The following FADS6 variants were observed in gnomAD, a reference collection of about 807,000 sequenced individuals.
FADS6 encodes the protein fatty acid desaturase domain family, member 6.
A neutral mutation model predicts 31.7 loss-of-function variants in FADS6; 28 were observed. The observed-to-expected ratio is 0.88, with a 90% confidence interval of 0.66 to 1.21. The LOEUF is 1.21. Among genes scored for constraint, FADS6 ranks in the 50% most tolerant of loss-of-function variants. The pLI is 0.00. For synonymous variants in FADS6, 191 were observed against 213.1 expected, an observed-to-expected ratio of 0.90 and a Z score of 0.90; for missense variants, 494 against 504.2, an observed-to-expected ratio of 0.98 and a Z score of 0.19.
intron 2 of FADS6, among the ~76,000 whole-genome samples, chr17:74,890,688 T>A (rs1390058315): frequency 1.3e-5 from 2 of 152,104 alleles, no homozygotes; most frequent in African/African-American, 2.4e-5. Flanking sequence ...ATGAAGCCAC[T>A]GGGCTTACGG....
At position 74,878,254 on chromosome 17, in the gene FADS6, AC is replaced by A. The variant is rs1598551572; in HGVS notation, c.*76del. On this transcript the variant is annotated 3_prime_UTR_variant, in exon 6 of 6. Coordinates refer to ENST00000612771, the MANE Select transcript of FADS6 (RefSeq NM_178128.6). The stretch of plus-strand genomic sequence containing the variant: ...GGTCCACCACCAGCCACTGAGCCAC[AC>A]CCCCTGGACCAGCAGCAGCAGGAGG... 2 of 1,502,922 alleles carry A rather than the reference AC, an allele frequency of 1.3e-6. No homozygotes were observed. The highest frequency in any genetic ancestry group is 1.3e-5 in the South Asian group (1 of 76,346). The allele number at this position is 1,502,922 out of a possible 1,614,324, so 93.1% of individuals were successfully genotyped here. A position where few individuals can be genotyped will look rare whatever the true frequency, so the allele number is the denominator to read the frequency against.
downstream of FADS6, among the ~76,000 whole-genome samples, chr17:74,875,115 G>C (rs1415691971): frequency 6.6e-6 from 1 of 152,298 alleles, no homozygotes; most frequent in East Asian, 1.9e-4. Flanking sequence ...GTGGAGGATG[G>C]ATTCTAGAGT....
chr17:74,893,453 A>G lies in FADS6; in HGVS notation c.143T>C (p.Leu48Pro). ...HRGGEALLRE[L>P]EVLVQDVVRT... ...CACCACGTCCTGCACCAGCACCTCC[A>G]GCTCCCGCAGCAGCGCCTCGCCCCC... Residue 48 changes from leucine to proline, a missense_variant, in exon 1 of 6, where the codon CTG becomes CCG. Coordinates refer to ENST00000612771, the MANE Select transcript of FADS6 (RefSeq NM_178128.6). 6.3e-7 allele frequency: 1 copy of G among 1,591,078 alleles called. No homozygotes were observed. Among genetic ancestry groups the G allele is most frequent in the Non-Finnish European group, 8.5e-7 (1 of 1,170,700 alleles).
chr17:74,883,035 G>T (rs1158800505), intron 2 of FADS6, among the ~76,000 whole-genome samples: 1 of 152,254 alleles, frequency 6.6e-6, no homozygotes, highest in African/African-American at 2.4e-5. Context: ...TGGAGGCACT[G>T]CAGGTGATGA....
chr17:74,877,044 C>T (rs575541039), downstream of FADS6, among the ~76,000 whole-genome samples: 1 of 152,220 alleles, frequency 6.6e-6, no homozygotes, highest in Admixed American at 6.5e-5. Flanking sequence ...TATATTCCCA[C>T]CTCACTCCCA....
chr17:74,891,658 G>C (rs2038690288), intron 2 of FADS6, among the ~76,000 whole-genome samples: 1 of 152,170 alleles, frequency 6.6e-6, no homozygotes, highest in African/African-American at 2.4e-5. Flanking sequence ...GCAGGGGATA[G>C]TGCTAGGTGA....
At chr17:74,885,166 T>TG (rs1002258111) in intron 2 of FADS6, among the ~76,000 whole-genome samples, 3 of 152,078 alleles carry the variant, frequency 2.0e-5, no homozygotes, top group African/African-American at 7.2e-5. Context: ...AGCTGGCCAC[T>TG]GGGGTTACTG....
At chr17:74,886,238 C>CAAA (rs550950451) in intron 2 of FADS6, among the ~76,000 whole-genome samples, 13 of 42,152 alleles carry the variant, frequency 3.1e-4, no homozygotes, top group African/African-American at 9.5e-4. Flanking sequence ...GATTCCATCT[C>CAAA]AAAAAAAAAA....
At chr17:74,884,770 C>T (rs971590192) in intron 2 of FADS6, among the ~76,000 whole-genome samples, 4 of 151,864 alleles carry the variant, frequency 2.6e-5, no homozygotes, top group African/African-American at 7.3e-5. Flanking sequence ...TGCAATGGTG[C>T]GATCTCGGCT....
intron 3 of FADS6, among the ~76,000 whole-genome samples, chr17:74,881,940 A>AT (rs111794833): frequency 0.023 from 3,336 of 144,576 alleles, 91 homozygotes; most frequent in African/African-American, 0.068. Flanking sequence ...TCTGCAAAGC[A>AT]TTTTTTTTTT....
intron 2 of FADS6, among the ~76,000 whole-genome samples, chr17:74,890,654 A>T (rs1265615307): frequency 2.6e-5 from 4 of 152,152 alleles, no homozygotes; most frequent in Non-Finnish European, 2.9e-5. Flanking sequence ...CTGTGCCAGG[A>T]GCTGAAGAGT....
At chr17:74,888,841 C>T (rs1436976217) in intron 2 of FADS6, among the ~76,000 whole-genome samples, 15 of 152,192 alleles carry the variant, frequency 9.9e-5, no homozygotes, top group Admixed American at 2.6e-4. Context: ...CCTGCCCATC[C>T]CACACTGCCC....
intron 2 of FADS6, among the ~76,000 whole-genome samples, chr17:74,887,975 T>C (rs9902586): frequency 0.65 from 98,585 of 151,944 alleles, 32,428 homozygotes; most frequent in South Asian, 0.74. Context: ...CGTGAGCCAC[T>C]GCGCCCAGCC....
intron 5 of FADS6, 140 bp from the exon 6 acceptor site, chr17:74,878,617 G>T: frequency 9.6e-7 from 1 of 1,041,308 alleles, no homozygotes; most frequent in Non-Finnish European, 1.4e-6. Flanking sequence ...AGGAGCAGAA[G>T]GGCTTAAGTC....
intron 4 of FADS6, among the ~76,000 whole-genome samples, chr17:74,880,000 G>A (rs1053560629): frequency 6.6e-6 from 1 of 152,196 alleles, no homozygotes; most frequent in Admixed American, 6.5e-5. Context: ...AGGTGCTCAG[G>A]AACTCAGAGG....
intron 4 of FADS6, among the ~76,000 whole-genome samples, chr17:74,879,804 G>A (rs2038548703): frequency 6.6e-6 from 1 of 152,268 alleles, no homozygotes; most frequent in East Asian, 1.9e-4. Flanking sequence ...GAACAGTGAG[G>A]GGCTTAGCCT....
Position 74,878,398 on chromosome 17 carries a change from A to G in FADS6, c.1040T>C (p.Leu347Pro). 1.2e-6 allele frequency: 2 copies of G among 1,614,028 alleles called. No homozygotes were observed. Among genetic ancestry groups the G allele is most frequent in the Non-Finnish European group, 1.7e-6 (2 of 1,179,884 alleles). ...GAATTCCTCATAGCGACGGAGAAACAGCTGGAAGCGAGCCAGGTATGAGTC... is the reference window on the plus strand; with the variant it reads ...GAATTCCTCATAGCGACGGAGAAACGGCTGGAAGCGAGCCAGGTATGAGTC... ...NEDSYLARFQ[L>P]FLRRYEEFMV... The change falls in exon 6 of 6, where the codon CTG becomes CCG. Residue 347 changes from leucine to proline, a missense_variant. Coordinates refer to ENST00000612771, the MANE Select transcript of FADS6 (RefSeq NM_178128.6).
At chr17:74,878,584 G>T in intron 5 of FADS6, 107 bp from the exon 6 acceptor site, 1 of 1,376,072 alleles carries the variant, frequency 7.3e-7, no homozygotes, top group Admixed American at 2.2e-5. Context: ...AGTTCCTATC[G>T]GCCTTGTTCC....
intron 2 of FADS6, among the ~76,000 whole-genome samples, chr17:74,886,757 T>C (rs565368068): frequency 6.6e-5 from 10 of 152,270 alleles, no homozygotes; most frequent in African/African-American, 1.4e-4. Context: ...AGGGTCCCCA[T>C]TGGATTCTGG....
Sources: allele counts gnomAD v4.1 joint callset (sites outside exome capture counted in the v4.1 genomes callset), GRCh38; gene constraint gnomAD v4.1.1; transcripts MANE v1.5; gene names NCBI Gene and HGNC (gene_info 2026-07-23, HGNC 2026-07-21).